The following RABGAP1L variants were observed in gnomAD, a reference collection of about 807,000 sequenced individuals.
The protein encoded by RABGAP1L is rab GTPase-activating protein 1-like.
A neutral mutation model predicts 137.7 loss-of-function variants in RABGAP1L; 63 were observed. That is an observed-to-expected ratio of 0.46 (90% CI 0.37 to 0.56). The LOEUF (loss-of-function observed/expected upper bound fraction) is 0.56. RABGAP1L is among the 20% of genes least tolerant of loss of function. The probability of loss-of-function intolerance (pLI) is 0.00; values close to 1 mark genes in which losing one functional copy is unlikely to be tolerated. For missense variants in RABGAP1L, 1,095 were observed against 1,244.0 expected (o/e 0.88, Z 1.80); for synonymous variants, 431 against 433.7 (o/e 0.99, Z 0.08).
At chr1:174,869,578 G>A (rs372241114) in intron 19 of RABGAP1L, among the ~76,000 whole-genome samples, 5 of 152,060 alleles carry the variant, frequency 3.3e-5, no homozygotes, top group Non-Finnish European at 5.9e-5. Flanking sequence ...GTTTTTCTTC[G>A]TAGCAGTGTG....
At chr1:174,473,150 T>C (rs980887885) in intron 13 of RABGAP1L, among the ~76,000 whole-genome samples, 2 of 152,200 alleles carry the variant, frequency 1.3e-5, no homozygotes, top group African/African-American at 4.8e-5. Flanking sequence ...AAGTCAGCCA[T>C]GGAACATAAT....
At chr1:174,910,955 CAT>C (rs1340783205) in intron 19 of RABGAP1L, among the ~76,000 whole-genome samples, 1 of 152,174 alleles carries the variant, frequency 6.6e-6, no homozygotes, top group Admixed American at 6.5e-5. Context: ...TCTTCACTAA[CAT>C]ATGTTATTTT....
At chr1:174,829,028 A>G (rs1691849208) in intron 19 of RABGAP1L, among the ~76,000 whole-genome samples, 1 of 147,894 alleles carries the variant, frequency 6.8e-6, no homozygotes, top group Non-Finnish European at 1.5e-5. Flanking sequence ...ACTTGGCACA[A>G]TGTAGTCCAT....
At chr1:174,191,963 T>G (rs375830694) in intron 1 of RABGAP1L, among the ~76,000 whole-genome samples, 2 of 152,288 alleles carry the variant, frequency 1.3e-5, no homozygotes. Context: ...CTGAATGCAT[T>G]TATACTAGAG....
At chr1:174,603,708 C>T (rs74126851) in intron 13 of RABGAP1L, among the ~76,000 whole-genome samples, 20,174 of 151,760 alleles carry the variant, frequency 0.13, 4,501 homozygotes, top group African/African-American at 0.46. Flanking sequence ...CACCCAAAGC[C>T]CACAGCAACT....
chr1:174,184,937 A>G (rs954237449), intron 1 of RABGAP1L, among the ~76,000 whole-genome samples: 15 of 152,194 alleles, frequency 9.9e-5, no homozygotes, highest in African/African-American at 3.4e-4. Context: ...AGCGATGTCT[A>G]CTTTATTTAA....
intron 13 of RABGAP1L, among the ~76,000 whole-genome samples, chr1:174,600,495 T>G (rs902473265): frequency 6.6e-6 from 1 of 152,200 alleles, no homozygotes; most frequent in Non-Finnish European, 1.5e-5. Context: ...GCAAGCTAGT[T>G]ACTTCCTAGA....
chr1:174,273,542 T>G (rs999034346), intron 8 of RABGAP1L, among the ~76,000 whole-genome samples: 2 of 151,762 alleles, frequency 1.3e-5, no homozygotes, highest in Non-Finnish European at 2.9e-5. Flanking sequence ...TCTATGTCTC[T>G]TACATCTTTT....
rs370865771 is a variant in RABGAP1L, at chr1:174,614,348, T to C, written c.1711-23027T>C. 1.5e-3 allele frequency among the ~76,000 whole-genome samples: 232 copies of C among 152,262 alleles called. 10 individuals are homozygous for C. The South Asian group carries it at 0.041, about 27-fold the overall frequency. On this transcript the variant is annotated intron_variant, in intron 13 of 25. Coordinates refer to ENST00000681986, the MANE Select transcript of RABGAP1L (RefSeq NM_001366446.1). ...GTTTGGCTGGATATGAAATTCTGGG[T>C]TGAAAATTCTTTTCTTTAAGAATGT...
chr1:174,217,905 G>A (rs919479630), intron 1 of RABGAP1L, among the ~76,000 whole-genome samples: 12 of 151,932 alleles, frequency 7.9e-5, no homozygotes, highest in Admixed American at 3.9e-4. Context: ...TCACCTAATG[G>A]CAAAATGGAA....
chr1:174,202,409 G>A (rs953947977), intron 1 of RABGAP1L, among the ~76,000 whole-genome samples: 3 of 152,234 alleles, frequency 2.0e-5, no homozygotes, highest in Non-Finnish European at 4.4e-5. Flanking sequence ...CAGTGATGGT[G>A]AGCATTTTTT....
intron 19 of RABGAP1L, among the ~76,000 whole-genome samples, chr1:174,881,700 A>G (rs1654249219): frequency 2.0e-5 from 3 of 151,648 alleles, no homozygotes; most frequent in East Asian, 2.0e-4. Flanking sequence ...GGATTTCACT[A>G]TGTTGGCCAG....
chr1:174,983,329 T>C (rs779823416), intron 24 of RABGAP1L, among the ~76,000 whole-genome samples: 10 of 151,324 alleles, frequency 6.6e-5, no homozygotes, highest in South Asian at 4.1e-4. Flanking sequence ...TGGAAAAACA[T>C]GTGTTGGGTA....
intron 1 of RABGAP1L, among the ~76,000 whole-genome samples, chr1:174,209,360 G>A (rs1668712384): frequency 6.6e-6 from 1 of 152,028 alleles, no homozygotes; most frequent in Non-Finnish European, 1.5e-5. Flanking sequence ...CCAGAGGGGA[G>A]CCCTCTGCCC....
At chr1:174,973,979 G>T (rs12757649) in intron 21 of RABGAP1L, among the ~76,000 whole-genome samples, 3,506 of 83,324 alleles carry the variant, frequency 0.042, 64 homozygotes, top group East Asian at 0.13. Flanking sequence ...ATTGTTTTTT[G>T]TTTTTTTTTT....
rs1672055540 is a variant in RABGAP1L at position 174,991,548 on chromosome 1, A to AAAG, written c.*1548_*1550dup. On this transcript the variant is annotated 3_prime_UTR_variant, in exon 26 of 26. Transcript: ENST00000681986. Reference sequence around the variant, plus strand: ...TCTAAAATGATCTTTTATGTTCTAAAAAGTGAAATCCCCTTTATCTGTGTT... The same window carrying AAAG: ...TCTAAAATGATCTTTTATGTTCTAAAAAGAAGTGAAATCCCCTTTATCTGTGTT... 6.6e-6 allele frequency: 1 copy of AAAG among 152,230 alleles called. No individual in the cohort carries two copies. The highest frequency in any genetic ancestry group is 1.5e-5 in the Non-Finnish European group (1 of 68,044). 9.4% of individuals were successfully genotyped at this position (152,230 alleles called of 1,614,324 possible). A position where few individuals can be genotyped will look rare whatever the true frequency, so the allele number is the denominator to read the frequency against.
chr1:174,331,673 CTTTTTA>C (rs1681045037), intron 11 of RABGAP1L, among the ~76,000 whole-genome samples: 1 of 151,528 alleles, frequency 6.6e-6, no homozygotes, highest in Non-Finnish European at 1.5e-5. Flanking sequence ...TCTTTTTTTT[CTTTTTA>C]TTTTATTATT....
intron 7 of RABGAP1L, among the ~76,000 whole-genome samples, chr1:174,259,567 G>T (rs1673405185): frequency 6.6e-6 from 1 of 152,092 alleles, no homozygotes; most frequent in Admixed American, 6.5e-5. Flanking sequence ...GGCTAAATTT[G>T]TTGTAATATG....
intron 19 of RABGAP1L, among the ~76,000 whole-genome samples, chr1:174,956,235 T>G (rs1348236709): frequency 7.9e-5 from 12 of 152,116 alleles, no homozygotes; most frequent in Non-Finnish European, 1.5e-5. Flanking sequence ...AGGGTCTCAT[T>G]CTGTTGCCCA....
Sources: gnomAD v4.1 joint callset for allele counts (sites outside exome capture counted in the v4.1 genomes callset) on GRCh38, gnomAD v4.1.1 for gene constraint, MANE v1.5 for transcripts, NCBI Gene and HGNC (gene_info 2026-07-23, HGNC 2026-07-21) for gene names.